Variants in PCDHA6 observed in about 807,000 individuals in gnomAD.
PCDHA6 encodes protocadherin alpha 6.
A neutral mutation model predicts 60.3 loss-of-function variants in PCDHA6; 55 were observed. That is an observed-to-expected ratio of 0.91 (90% CI 0.73 to 1.14). PCDHA6 has a LOEUF of 1.14. Among genes scored for constraint, PCDHA6 ranks in the 50% most tolerant of loss-of-function variants. The probability of loss-of-function intolerance (pLI) is 0.00; values close to 1 mark genes in which losing one functional copy is unlikely to be tolerated. For missense variants in PCDHA6, 1,327 were observed against 1,256.5 expected, an observed-to-expected ratio of 1.06 and a Z score of -0.85; for synonymous variants, 652 against 557.9, an observed-to-expected ratio of 1.17 and a Z score of -2.38.
At chr5:140,863,278 G>A (rs1554158055) in intron 1 of PCDHA6, 3 of 1,461,976 alleles carry the variant, frequency 2.1e-6, no homozygotes, top group South Asian at 1.1e-5. Flanking sequence ...GCTGGTGGAT[G>A]TCAACGTGTA....
intron 3 of PCDHA6, among the ~76,000 whole-genome samples, chr5:140,987,224 A>AT (rs34154612): frequency 0.031 from 4,713 of 152,034 alleles, 257 homozygotes; most frequent in African/African-American, 0.11. Context: ...AAAAAAAAAA[A>AT]AAATAATAAA....
At position 140,848,466 on chromosome 5, in the gene PCDHA6, C is replaced by T. The variant is rs2150410896; in HGVS notation, c.2394+17981C>T. 2.6e-6 allele frequency: 4 copies of T among 1,545,340 alleles called. No homozygotes were observed. In the South Asian group the frequency reaches 3.6e-5, roughly 14 times the overall value. ...TTTCTTCTAATTTGGAGGCAATTTTCACTAATTAGAAGAAGACTGAGTATT... is the reference window on the plus strand; with the variant it reads ...TTTCTTCTAATTTGGAGGCAATTTTTACTAATTAGAAGAAGACTGAGTATT... On this transcript the variant is annotated intron_variant, in intron 1 of 3. Transcript: ENST00000529310.
intron 1 of PCDHA6, among the ~76,000 whole-genome samples, chr5:140,838,390 C>T (rs1554137063): frequency 6.6e-6 from 1 of 150,926 alleles, no homozygotes; most frequent in African/African-American, 2.5e-5. Flanking sequence ...TCCCAATGTG[C>T]TGGGATTACA....
intron 1 of PCDHA6, among the ~76,000 whole-genome samples, chr5:140,959,018 A>T (rs1374346226): frequency 6.6e-6 from 1 of 152,078 alleles, no homozygotes; most frequent in Non-Finnish European, 1.5e-5. Flanking sequence ...TTTATACATT[A>T]AGCTTTATCA....
At chr5:140,946,868 T>C (rs1468330981) in intron 1 of PCDHA6, among the ~76,000 whole-genome samples, 1 of 151,412 alleles carries the variant, frequency 6.6e-6, no homozygotes, top group Admixed American at 6.6e-5. Context: ...GAGAGGTTGG[T>C]CAATGGGTAC....
intron 1 of PCDHA6, among the ~76,000 whole-genome samples, chr5:140,975,698 T>C (rs1298498012): frequency 6.6e-6 from 1 of 152,202 alleles, no homozygotes; most frequent in Non-Finnish European, 1.5e-5. Flanking sequence ...TTTAAACTTA[T>C]TTTACTTTAA....
chr5:140,932,824 G>A (rs1484280278), intron 1 of PCDHA6, among the ~76,000 whole-genome samples: 4 of 151,902 alleles, frequency 2.6e-5, no homozygotes, highest in Admixed American at 6.6e-5. Context: ...AAGTGGGAAA[G>A]TATTGACAAT....
rs1411970319 is a variant in PCDHA6, at chr5:140,927,470, G to A, written c.2395-51479G>A. The A allele has an allele frequency of 4.3e-6, 7 of 1,614,054 alleles. 1 individual carries two copies. The highest frequency in any genetic ancestry group is 3.3e-5 in the South Asian group (3 of 91,088). ...TTGGTGTTGGAGAAAGCACTGGATC[G>A]CGAACAGCGCGCCACCCACCTGCTG... On this transcript the variant is annotated intron_variant, in intron 1 of 3. Transcript: ENST00000529310.
chr5:140,977,720 A>C (rs1156806702), intron 1 of PCDHA6, among the ~76,000 whole-genome samples: 1 of 152,202 alleles, frequency 6.6e-6, no homozygotes, highest in African/African-American at 2.4e-5. Flanking sequence ...GATGGTGATC[A>C]TTTCTCTCCT....
chr5:140,881,669 T>C (rs1030695213), intron 1 of PCDHA6, among the ~76,000 whole-genome samples: 17 of 152,248 alleles, frequency 1.1e-4, no homozygotes, highest in African/African-American at 4.1e-4. Context: ...TTTATTCTTA[T>C]GTGATTGTTA....
intron 1 of PCDHA6, chr5:140,847,464 C>A (rs2150400845): frequency 6.7e-6 from 1 of 149,754 alleles, no homozygotes; most frequent in Non-Finnish European, 1.5e-5. Context: ...AATTAATCGA[C>A]TTGGACGTTG....
At chr5:140,856,545 T>C in intron 1 of PCDHA6, 1 of 1,598,250 alleles carries the variant, frequency 6.3e-7, no homozygotes, top group South Asian at 1.1e-5. Context: ...GAGAACGCAT[T>C]GCTTACTTAC....
At chr5:140,965,015 C>A (rs187456244) in intron 1 of PCDHA6, among the ~76,000 whole-genome samples, 116 of 152,260 alleles carry the variant, frequency 7.6e-4, no homozygotes, top group Non-Finnish European at 1.2e-3. Context: ...AGGATCACAA[C>A]CTTGGCTCCT....
chr5:140,977,364 A>G (rs967972541), intron 1 of PCDHA6, among the ~76,000 whole-genome samples: 2 of 152,206 alleles, frequency 1.3e-5, no homozygotes, highest in African/African-American at 4.8e-5. Flanking sequence ...GATAAAAAGT[A>G]TTTTAGTCAT....
intron 1 of PCDHA6, chr5:140,968,321 A>G: frequency 6.2e-7 from 1 of 1,613,834 alleles, no homozygotes; most frequent in Non-Finnish European, 8.5e-7. Flanking sequence ...GCTGCCAGTC[A>G]CCTCCTATGT....
intron 1 of PCDHA6, among the ~76,000 whole-genome samples, chr5:140,923,319 A>G (rs1004006693): frequency 1.1e-4 from 16 of 152,264 alleles, no homozygotes; most frequent in African/African-American, 3.9e-4. Flanking sequence ...TTGGCCTAGA[A>G]GTTCAAGGAC....
intron 1 of PCDHA6, chr5:140,850,913 T>G: frequency 6.5e-7 from 1 of 1,539,368 alleles, no homozygotes; most frequent in East Asian, 2.3e-5. Flanking sequence ...GCATTTTATT[T>G]ATTTATATAA....
chr5:140,920,841 T>TAAAAAAAA (rs781921146), intron 1 of PCDHA6, among the ~76,000 whole-genome samples: 2 of 109,228 alleles, frequency 1.8e-5, no homozygotes, highest in Non-Finnish European at 1.9e-5. Context: ...AGACCAAATC[T>TAAAAAAAA]AAAAAAAAAA....
intron 1 of PCDHA6, among the ~76,000 whole-genome samples, chr5:140,840,646 T>C (rs2150308439): frequency 9.2e-5 from 14 of 151,994 alleles, no homozygotes; most frequent in African/African-American, 3.4e-4. Context: ...AGAGAAATAG[T>C]GTAAAGAATA....
Sources: allele counts gnomAD v4.1 joint callset (sites outside exome capture counted in the v4.1 genomes callset), GRCh38; gene constraint gnomAD v4.1.1; transcripts MANE v1.5; gene names NCBI Gene and HGNC (gene_info 2026-07-23, HGNC 2026-07-21).